The following PCDHGB2 variants were observed in gnomAD, a reference collection of about 807,000 sequenced individuals.
The protein encoded by PCDHGB2 is protocadherin gamma-B2.
PCDHGB2 carries 55 observed loss-of-function variants against 59.3 expected under a neutral mutation model. The observed-to-expected ratio is 0.93, with a 90% CI of 0.75 to 1.16. The LOEUF is 1.16. Ranked by LOEUF, PCDHGB2 falls within the 50% of genes most tolerant of loss-of-function variation. PCDHGB2 has a pLI of 0.00. For missense variants in PCDHGB2, 1,228 were observed against 1,198.5 expected, an observed-to-expected ratio of 1.02 and a Z score of -0.36; for synonymous variants, 516 against 512.0, an observed-to-expected ratio of 1.01 and a Z score of -0.11.
chr5:141,418,424 G>A lies in PCDHGB2; in HGVS notation c.2421+55868G>A, dbSNP rs1427064246. Reference sequence around the variant, plus strand: ...GGTGGAGAAAGACAATCCTGATGGTGGCAAATATCCAGAATTAGTATTGCA... The same window carrying A: ...GGTGGAGAAAGACAATCCTGATGGTAGCAAATATCCAGAATTAGTATTGCA... On this transcript the variant is annotated intron_variant, in intron 1 of 3. Coordinates refer to ENST00000522605, the MANE Select transcript of PCDHGB2 (RefSeq NM_018923.3). 1 of 1,613,974 alleles carries A rather than the reference G, an allele frequency of 6.2e-7. No individual in the cohort carries two copies. Among genetic ancestry groups the A allele is most frequent in the Non-Finnish European group, 8.5e-7 (1 of 1,179,872 alleles).
At chr5:141,446,837 T>G (rs2098518039) in intron 1 of PCDHGB2, among the ~76,000 whole-genome samples, 1 of 152,168 alleles carries the variant, frequency 6.6e-6, no homozygotes, top group South Asian at 2.1e-4. Flanking sequence ...CTTATAAGGC[T>G]GAGCATAATA....
In PCDHGB2 at chr5:141,418,939, C is replaced by T. The variant is rs766248741; in HGVS notation, c.2421+56383C>T. The T allele has an allele frequency of 8.7e-6, 14 of 1,613,642 alleles. No individual in the cohort carries two copies. In the African/African-American group the frequency reaches 1.7e-4, roughly 20 times the overall value. On this transcript the variant is annotated intron_variant, in intron 1 of 3. Transcript: ENST00000522605. ...TCTCTGATCAGATTATGGAGGATTC[C>T]CCTCCAGGAGTGGTTGTTGCCCTCT...
intron 1 of PCDHGB2, among the ~76,000 whole-genome samples, chr5:141,369,204 G>A (rs970193289): frequency 3.3e-5 from 5 of 152,182 alleles, no homozygotes; most frequent in Non-Finnish European, 7.4e-5. Context: ...ATGGTAAACT[G>A]GGGACCAAGG....
chr5:141,377,890 C>T (rs1204585448), intron 1 of PCDHGB2: 1 of 152,090 alleles, frequency 6.6e-6, no homozygotes, highest in African/African-American at 2.4e-5. Context: ...GATAGGATCC[C>T]CCTCTGTTGC....
chr5:141,486,012 A>C lies in PCDHGB2; in HGVS notation c.2422-8795A>C. The C allele has an allele frequency of 1.9e-6, 3 of 1,614,064 alleles. No homozygotes were observed. The highest frequency in any genetic ancestry group is 2.5e-6 in the Non-Finnish European group (3 of 1,179,984). On this transcript the variant is annotated intron_variant, in intron 1 of 3. Coordinates refer to ENST00000522605, the MANE Select transcript of PCDHGB2 (RefSeq NM_018923.3). The surrounding 1 kb of genome is among the most constrained non-coding windows in gnomAD (Gnocchi z 5.0). ...GGTCCCAGTGGTAACGTCACCTTTT[A>C]TTTCAGTGGTCATACCCCTGATCGT...
At chr5:141,427,678 C>T in intron 1 of PCDHGB2, 1 of 822,634 alleles carries the variant, frequency 1.2e-6, no homozygotes, top group Non-Finnish European at 2.0e-6. Flanking sequence ...AACAACCTTC[C>T]CGGAGCCTCC....
chr5:141,389,341 C>G, intron 1 of PCDHGB2: 1 of 1,614,016 alleles, frequency 6.2e-7, no homozygotes, highest in East Asian at 2.2e-5. Context: ...GGCCAAGTCT[C>G]TTACTGCATC....
In PCDHGB2 at chr5:141,490,506, C is replaced by T. The variant is rs967095367; in HGVS notation, c.2422-4301C>T. ...GGGAGGCCACATCCCACTATATCAT[C>T]GAGCTGCTGGCCAGCGATGCTGGTT... is the stretch of plus-strand genomic sequence containing the variant. On this transcript the variant is annotated intron_variant, in intron 1 of 3. Transcript: ENST00000522605. This position sits in a 1 kb window ranked among gnomAD's most constrained non-coding sequence, Gnocchi z 5.4. The T allele has an allele frequency of 1.2e-5, 19 of 1,614,116 alleles. No homozygotes were observed. The highest frequency in any genetic ancestry group is 2.2e-5 in the South Asian group (2 of 91,088).
In PCDHGB2 at chr5:141,389,714, C is replaced by T. The variant is rs771532940; in HGVS notation, c.2421+27158C>T. Reference sequence around the variant, plus strand: ...TGTCCTACCACGTGCTGCAGGCTAGCGAGCCCGGGCTCTTCAGCCTGGGGC... The same window carrying T: ...TGTCCTACCACGTGCTGCAGGCTAGTGAGCCCGGGCTCTTCAGCCTGGGGC... On this transcript the variant is annotated intron_variant, in intron 1 of 3. Transcript: ENST00000522605. 9 of 1,612,418 alleles carry T rather than the reference C, an allele frequency of 5.6e-6. No individual in the cohort carries two copies. In the Admixed American group the frequency reaches 1.2e-4, roughly 21 times the overall value.
At position 141,360,919 on chromosome 5, in the gene PCDHGB2, C is replaced by G; in HGVS notation, c.784C>G (p.Leu262Val). The G allele has an allele frequency of 6.2e-7, 1 of 1,614,012 alleles. No homozygotes were observed. The highest frequency in any genetic ancestry group is 8.5e-7 in the Non-Finnish European group (1 of 1,179,896). The change falls in exon 1 of 4, where the codon CTT becomes GTT. Residue 262 changes from leucine to valine, a missense_variant. Around this residue, in one of 3 missense-constraint regions of PCDHGB2, gnomAD observed 781 missense variants for 721.6 expected, o/e 1.08. Coordinates refer to ENST00000522605, the MANE Select transcript of PCDHGB2 (RefSeq NM_018923.3). ...REDVPPGFFV[L>V]QVTATDRDEG... ...GGACGTGCCGCCGGGCTTCTTTGTG[C>G]TTCAAGTGACAGCCACCGACCGGGA... is the stretch of plus-strand genomic sequence containing the variant.
Position 141,416,159 on chromosome 5 carries a change from T to C in PCDHGB2, c.2421+53603T>C, listed in dbSNP as rs116406525. ...CTATACTTTGTGGTGATAGTTGCAG[T>C]TGAATATACTAAGTTTTTCATTAAT... On this transcript the variant is annotated intron_variant, in intron 1 of 3. Transcript: ENST00000522605. 1,471 of 153,024 alleles carry C rather than the reference T, an allele frequency of 9.6e-3. 10 individuals carry two copies. Among genetic ancestry groups the C allele is most frequent in the Non-Finnish European group, 0.015 (1,026 of 68,518 alleles). 9.5% of individuals were successfully genotyped at this position (153,024 alleles called of 1,614,324 possible).
chr5:141,461,216 T>C (rs1050704259), intron 1 of PCDHGB2, among the ~76,000 whole-genome samples: 2 of 152,168 alleles, frequency 1.3e-5, no homozygotes, highest in African/African-American at 4.8e-5. Flanking sequence ...ATCTCCATAC[T>C]GTTTTCCATA....
chr5:141,371,355 G>T (rs369960328), intron 1 of PCDHGB2: 6 of 1,613,974 alleles, frequency 3.7e-6, no homozygotes, highest in Non-Finnish European at 3.4e-6. Flanking sequence ...TGGGGTGGAA[G>T]CAAAGGATGG....
chr5:141,408,510 A>G (rs1298660421), intron 1 of PCDHGB2: 21 of 1,613,870 alleles, frequency 1.3e-5, no homozygotes, highest in Non-Finnish European at 1.8e-5. Context: ...AGAAGATGTG[A>G]GTTGCAATTG....
chr5:141,451,233 T>A (rs1431967203), intron 1 of PCDHGB2, among the ~76,000 whole-genome samples: 1 of 152,216 alleles, frequency 6.6e-6, no homozygotes, highest in African/African-American at 2.4e-5. Flanking sequence ...GCATTTATTA[T>A]CTCATAAATT....
At position 141,415,070 on chromosome 5, in the gene PCDHGB2, C is replaced by G. The variant is rs538474552; in HGVS notation, c.2421+52514C>G. ...GGGGAGCACACGGGCGAGGTGCGCACGGCGCGAGCCCTGCTGGACAGAGAC... is the reference window on the plus strand; with the variant it reads ...GGGGAGCACACGGGCGAGGTGCGCAGGGCGCGAGCCCTGCTGGACAGAGAC... On this transcript the variant is annotated intron_variant, in intron 1 of 3. Coordinates refer to ENST00000522605, the MANE Select transcript of PCDHGB2 (RefSeq NM_018923.3). 26 of 1,613,284 alleles carry G rather than the reference C, an allele frequency of 1.6e-5. No homozygotes were observed. The Middle Eastern group carries it at 1.5e-3, about 92-fold the overall frequency.
chr5:141,430,613 A>T, intron 1 of PCDHGB2: 1 of 679,628 alleles, frequency 1.5e-6, no homozygotes, highest in Admixed American at 3.0e-5. Context: ...CACAAAGCAG[A>T]TAGCTAGGAA....
intron 1 of PCDHGB2, chr5:141,424,079 C>A: frequency 3.1e-6 from 3 of 973,190 alleles, no homozygotes; most frequent in African/African-American, 1.8e-5. Context: ...TAGTTATATT[C>A]CACCATTATT....
At chr5:141,408,784 A>G (rs777838376) in intron 1 of PCDHGB2, 2 of 1,612,506 alleles carry the variant, frequency 1.2e-6, no homozygotes, top group Admixed American at 1.7e-5. Context: ...ACCCAGAGTT[A>G]TCTCTGGAGA....
Sources: allele counts gnomAD v4.1 joint callset (sites outside exome capture counted in the v4.1 genomes callset), GRCh38; gene constraint gnomAD v4.1.1; regional missense constraint gnomAD v4.1.1; non-coding constraint Gnocchi (gnomAD v3.1); transcripts MANE v1.5; gene names NCBI Gene and HGNC (gene_info 2026-07-23, HGNC 2026-07-21).